Variants in PTPRD observed in about 807,000 individuals in gnomAD.
The protein encoded by PTPRD is protein tyrosine phosphatase receptor type D, also known as receptor-type tyrosine-protein phosphatase delta.
A neutral mutation model predicts 214.5 loss-of-function variants in PTPRD; 34 were observed. That is an observed-to-expected ratio of 0.16 (90% CI 0.12 to 0.21). PTPRD has a LOEUF of 0.21. Among genes scored for constraint, PTPRD ranks in the 10% least tolerant of loss-of-function variants. The probability of loss-of-function intolerance (pLI) is 1.00; values close to 1 mark genes in which losing one functional copy is unlikely to be tolerated. For missense variants in PTPRD, 2,545 were observed against 2,398.7 expected, an observed-to-expected ratio of 1.06 and a Z score of -1.27; for synonymous variants, 1,128 against 845.7, an observed-to-expected ratio of 1.33 and a Z score of -5.79.
At position 9,520,273 on chromosome 9, in the gene PTPRD, ATATATATATTAAGT is replaced by A. The variant is rs1176949883; in HGVS notation, c.-237+54445_-237+54458del. On this transcript the variant is annotated intron_variant, in intron 8 of 45. Transcript: ENST00000381196. ...AAATAGACTCCTAAAAGTTATATAT[ATATATATATTAAGT>A]TATATATATATATTAAGTTATATAT... Among the ~76,000 whole-genome samples, 290 of 77,018 alleles carry A rather than the reference ATATATATATTAAGT, an allele frequency of 3.8e-3. 1 individual carries two copies. Among genetic ancestry groups the A allele is most frequent in the African/African-American group, 7.8e-3 (258 of 32,940 alleles). 50.5% of individuals were successfully genotyped at this position (77,018 alleles called of 152,430 possible).
At chr9:8,882,693 T>C (rs1197087691) in intron 11 of PTPRD, among the ~76,000 whole-genome samples, 1 of 151,924 alleles carries the variant, frequency 6.6e-6, no homozygotes, top group African/African-American at 2.4e-5. Context: ...GAGACCAGCC[T>C]GGCCGACATA....
chr9:10,393,180 C>A (rs2098104213), intron 2 of PTPRD, among the ~76,000 whole-genome samples: 1 of 151,714 alleles, frequency 6.6e-6, no homozygotes, highest in Non-Finnish European at 1.5e-5. Context: ...ATATTTAGAT[C>A]TGAAAATCTT....
intron 12 of PTPRD, among the ~76,000 whole-genome samples, chr9:8,664,025 C>A (rs548857757): frequency 2.7e-4 from 41 of 152,164 alleles, no homozygotes; most frequent in African/African-American, 8.9e-4. Context: ...ATATTTCCTG[C>A]AGTCTTTTCA....
intron 12 of PTPRD, among the ~76,000 whole-genome samples, chr9:8,730,116 C>T (rs889245278): frequency 2.0e-5 from 3 of 152,004 alleles, no homozygotes; most frequent in Admixed American, 6.6e-5. Flanking sequence ...ATTAGCCGGG[C>T]GAGGTGGCGG....
chr9:9,871,020 A>G (rs1398235591), intron 5 of PTPRD, among the ~76,000 whole-genome samples: 1 of 152,168 alleles, frequency 6.6e-6, no homozygotes, highest in Non-Finnish European at 1.5e-5. Context: ...AAATTAAGAG[A>G]TGTATTCATT....
chr9:9,060,460 A>G (rs1489841535), intron 10 of PTPRD, among the ~76,000 whole-genome samples: 2 of 152,202 alleles, frequency 1.3e-5, no homozygotes, highest in Admixed American at 1.3e-4. Context: ...TCTGCAATAG[A>G]CACAAAATAC....
intron 8 of PTPRD, among the ~76,000 whole-genome samples, chr9:9,483,469 T>A (rs1589565278): frequency 1.3e-5 from 2 of 152,246 alleles, no homozygotes; most frequent in East Asian, 3.9e-4. Context: ...AGGAAAAGCA[T>A]GCATAAAGTA....
At chr9:8,439,690 T>C (rs1309740885) in intron 34 of PTPRD, among the ~76,000 whole-genome samples, 3 of 152,130 alleles carry the variant, frequency 2.0e-5, no homozygotes, top group Non-Finnish European at 4.4e-5. Flanking sequence ...AGGATCTACT[T>C]CAAAATATTG....
rs3830409 is a variant in PTPRD, at chr9:8,316,891, AACTG to A, written c.*979_*982del. 23,240 of 230,188 alleles carry A rather than the reference AACTG, an allele frequency of 0.1. 2,299 individuals carry two copies. The highest frequency in any genetic ancestry group is 0.3 in the African/African-American group (13,449 of 45,124). The allele number at this position is 230,188 out of a possible 1,614,324, so 14.3% of individuals were successfully genotyped here. A position where few individuals can be genotyped will look rare whatever the true frequency, so the allele number is the denominator to read the frequency against. ...GTTTAAAAAAACTAAATCATGGAAG[AACTG>A]ACTGACTGATAACTGTATCTATTTT... On this transcript the variant is annotated 3_prime_UTR_variant, in exon 46 of 46. Coordinates refer to ENST00000381196, the MANE Select transcript of PTPRD (RefSeq NM_002839.4).
intron 7 of PTPRD, among the ~76,000 whole-genome samples, chr9:9,677,306 T>C (rs1186510917): frequency 2.0e-5 from 3 of 152,036 alleles, no homozygotes; most frequent in Non-Finnish European, 4.4e-5. Flanking sequence ...AATTTTTGTA[T>C]AAGGTGTAAG....
chr9:10,025,289 T>C (rs199844492), intron 4 of PTPRD, among the ~76,000 whole-genome samples: 2 of 152,062 alleles, frequency 1.3e-5, no homozygotes, highest in Admixed American at 6.6e-5. Context: ...CTCTCCAGCA[T>C]CTGTTGTTTC....
chr9:8,493,686 A>G (rs1400040978), intron 26 of PTPRD, among the ~76,000 whole-genome samples: 3 of 152,226 alleles, frequency 2.0e-5, no homozygotes, highest in Admixed American at 6.5e-5. Flanking sequence ...AAGCAGCCAT[A>G]AAAGCAAAGA....
intron 16 of PTPRD, 66 bp downstream of exon 16, chr9:8,527,273 TTAATAA>T (rs34465399): frequency 5.4e-6 from 8 of 1,468,206 alleles, no homozygotes; most frequent in Admixed American, 3.6e-5. Context: ...ATGCATTTTA[TTAATAA>T]TAATAATAAT....
intron 11 of PTPRD, among the ~76,000 whole-genome samples, chr9:8,858,826 CACAT>C (rs1300746902): frequency 3.3e-4 from 45 of 136,356 alleles, no homozygotes; most frequent in Non-Finnish European, 3.8e-4. Context: ...CACACACACA[CACAT>C]ACACACACAC....
chr9:9,928,366 C>A (rs938782136), intron 5 of PTPRD, among the ~76,000 whole-genome samples: 1 of 152,086 alleles, frequency 6.6e-6, no homozygotes, highest in Non-Finnish European at 1.5e-5. Flanking sequence ...AGCTCATTAT[C>A]TTGAGTTTTT....
intron 2 of PTPRD, among the ~76,000 whole-genome samples, chr9:10,599,873 A>G (rs953290669): frequency 2.6e-5 from 4 of 151,912 alleles, no homozygotes; most frequent in Non-Finnish European, 4.4e-5. Context: ...AATCTCCCCA[A>G]CAGATCAGCA....
At chr9:8,485,410 C>A in intron 28 of PTPRD, 86 bp from the exon 29 acceptor site, 1 of 882,996 alleles carries the variant, frequency 1.1e-6, no homozygotes, top group Non-Finnish European at 1.8e-6. Context: ...GGGGCTTATG[C>A]TAGATGCTGT....
intron 3 of PTPRD, among the ~76,000 whole-genome samples, chr9:10,096,735 T>A (rs1310093962): frequency 6.6e-6 from 1 of 152,024 alleles, no homozygotes; most frequent in African/African-American, 2.4e-5. Context: ...CAGAAGCTCT[T>A]TAGTTTAATT....
rs2096374567 is a variant in PTPRD at position 10,003,132 on chromosome 9, A to G, written c.-472+30586T>C. 2.0e-5 allele frequency among the ~76,000 whole-genome samples: 3 copies of G among 151,824 alleles called. No homozygotes were observed. In the South Asian group the frequency reaches 6.2e-4, roughly 31 times the overall value. ...AAGGAAAGATAGTCTTCTGTTAGTC[A>G]AGGGACATAAGAAATGAGTTCCAGG... On this transcript the variant is annotated intron_variant, in intron 4 of 45. Transcript: ENST00000381196.
Sources: gnomAD v4.1 joint callset for allele counts (sites outside exome capture counted in the v4.1 genomes callset) on GRCh38, gnomAD v4.1.1 for gene constraint, MANE v1.5 for transcripts, NCBI Gene and HGNC (gene_info 2026-07-23, HGNC 2026-07-21) for gene names.